The following GALNT2 variants were observed in gnomAD, a reference collection of about 807,000 sequenced individuals.
GALNT2 encodes polypeptide N-acetylgalactosaminyltransferase 2.
GALNT2 carries 31 observed loss-of-function variants against 81.4 expected under a neutral mutation model. The ratio of observed to expected loss-of-function variants is 0.38; its 90% CI spans 0.29 to 0.51. The LOEUF (loss-of-function observed/expected upper bound fraction) is 0.51, where lower values mean the gene tolerates loss of function less well. Among genes scored for constraint, GALNT2 ranks in the 20% least tolerant of loss-of-function variants. GALNT2 has a pLI of 0.87. For synonymous variants in GALNT2, 303 were observed against 287.4 expected (o/e 1.05, Z -0.55); for missense variants, 629 against 765.7 (o/e 0.82, Z 2.11).
chr1:230,176,261 T>C (rs1662975930), intron 1 of GALNT2, among the ~76,000 whole-genome samples: 1 of 152,160 alleles, frequency 6.6e-6, no homozygotes, highest in South Asian at 2.1e-4. Flanking sequence ...CAAATCAATC[T>C]TATTTGTGGG....
chr1:230,255,236 G>A lies in GALNT2; in HGVS notation c.1028G>A (p.Trp343Ter), dbSNP rs1665672243. 1.9e-6 allele frequency: 3 copies of A among 1,614,134 alleles called. No individual in the cohort carries two copies. Among genetic ancestry groups the A allele is most frequent in the Non-Finnish European group, 2.5e-6 (3 of 1,179,990 alleles). Residue 343 changes from tryptophan (W) to a stop codon, truncating the protein, a stop_gained, in exon 11 of 16, where the codon TGG becomes TAG. Coordinates refer to ENST00000366672, the MANE Select transcript of GALNT2 (RefSeq NM_004481.5). LOFTEE classifies it high-confidence loss of function. Reference protein sequence around the residue: ...GENLEISFRVWQCGGSLEIIP... With the variant: ...GENLEISFRV ...GTCTCAGAGATCTCGTTCCGCGTGT[G>A]GCAGTGTGGTGGCAGCCTGGAGATC... is the stretch of plus-strand genomic sequence containing the variant.
intron 1 of GALNT2, among the ~76,000 whole-genome samples, chr1:230,152,628 A>T (rs1456676884): frequency 2.0e-5 from 3 of 152,186 alleles, no homozygotes; most frequent in Non-Finnish European, 4.4e-5. Context: ...TTGGCAAAAA[A>T]GTTTGAAAGC....
At position 230,265,151 on chromosome 1, in the gene GALNT2, C is replaced by G. The variant is rs184470857; in HGVS notation, c.1314-90C>G. On this transcript the variant is annotated intron_variant, in intron 13 of 15. Transcript: ENST00000366672. ...CTGGGTCTTTCTCTCGTTCCTGTCACCTGTCATGAGGCCACTGAGCAAAGG... is the reference window on the plus strand; with the variant it reads ...CTGGGTCTTTCTCTCGTTCCTGTCAGCTGTCATGAGGCCACTGAGCAAAGG... 7.0e-5 allele frequency: 110 copies of G among 1,562,464 alleles called. No individual in the cohort carries two copies. In the African/African-American group the frequency reaches 1.3e-3, roughly 18 times the overall value.
At chr1:230,249,137 A>G in intron 8 of GALNT2, 47 bp from the exon 9 acceptor site, 2 of 1,516,252 alleles carry the variant, frequency 1.3e-6, no homozygotes, top group Non-Finnish European at 1.8e-6. Context: ...GTCGGGAGGA[A>G]GTGGCCAGTC....
intron 1 of GALNT2, among the ~76,000 whole-genome samples, chr1:230,174,514 A>T (rs1470185537): frequency 6.7e-6 from 1 of 149,426 alleles, no homozygotes; most frequent in East Asian, 2.0e-4. Flanking sequence ...CTCCCCAGCA[A>T]CTGTCTTGCA....
intron 2 of GALNT2, among the ~76,000 whole-genome samples, chr1:230,181,888 G>A (rs562188103): frequency 1.3e-5 from 2 of 152,284 alleles, no homozygotes; most frequent in South Asian, 4.1e-4. Context: ...TGTTTGGGAA[G>A]ATTATTAATT....
intron 10 of GALNT2, among the ~76,000 whole-genome samples, chr1:230,254,448 C>A (rs982336146): frequency 6.6e-6 from 1 of 152,214 alleles, no homozygotes; most frequent in African/African-American, 2.4e-5. Context: ...TGGTCCAAGC[C>A]TGTGAGCAGC....
At position 230,205,017 on chromosome 1, in the gene GALNT2, C is replaced by T. The variant is rs528633433; in HGVS notation, c.374+1727C>T. On this transcript the variant is annotated intron_variant, in intron 3 of 15. Transcript: ENST00000366672. ...CCAAGAGCGGTGAATTGGGTGGGGA[C>T]ACCCAGGAAGAAGGAAGTGCAGAAG... Among the ~76,000 whole-genome samples the T allele has an allele frequency of 3.3e-5, 5 of 152,250 alleles. No homozygotes were observed. The East Asian group carries it at 7.7e-4, about 24-fold the overall frequency.
chr1:230,164,030 G>A (rs961040256), intron 1 of GALNT2, among the ~76,000 whole-genome samples: 14 of 152,124 alleles, frequency 9.2e-5, no homozygotes, highest in Non-Finnish European at 1.8e-4. Context: ...TTTTTTGGGA[G>A]GGTCTCAGTT....
chr1:230,139,525 A>AGGGCTGCTGGCACT (rs1365593554), intron 1 of GALNT2, among the ~76,000 whole-genome samples: 1 of 152,212 alleles, frequency 6.6e-6, no homozygotes, highest in Non-Finnish European at 1.5e-5. Flanking sequence ...ATTCTGCAGC[A>AGGGCTGCTGGCACT]GGGCTGCTGG....
At chr1:230,262,787 G>A in intron 12 of GALNT2, 122 bp downstream of exon 12, 1 of 1,295,104 alleles carries the variant, frequency 7.7e-7, no homozygotes, top group Non-Finnish European at 1.1e-6. Flanking sequence ...AAGGGGTTGT[G>A]GGCACAGGAG....
At chr1:230,178,693 A>G (rs1376288799) in intron 2 of GALNT2, among the ~76,000 whole-genome samples, 2 of 151,954 alleles carry the variant, frequency 1.3e-5, no homozygotes, top group African/African-American at 4.8e-5. Flanking sequence ...CCCAACACAC[A>G]TACAACCTCC....
At chr1:230,277,709 C>T (rs1341161580) in intron 15 of GALNT2, among the ~76,000 whole-genome samples, 1 of 152,172 alleles carries the variant, frequency 6.6e-6, no homozygotes, top group African/African-American at 2.4e-5. Context: ...TCGCGCAGGT[C>T]GGGTCCCCAG....
intron 1 of GALNT2, among the ~76,000 whole-genome samples, chr1:230,092,311 A>G (rs1660117373): frequency 6.6e-6 from 1 of 151,138 alleles, no homozygotes; most frequent in South Asian, 2.1e-4. Context: ...AGATCACCAC[A>G]GATGGCTAAT....
rs57723408 is a variant in GALNT2, at chr1:230,104,003, G to A, written c.126+36597G>A. 3.6e-3 allele frequency among the ~76,000 whole-genome samples: 547 copies of A among 152,252 alleles called. 4 individuals are homozygous for A. The highest frequency in any genetic ancestry group is 0.012 in the African/African-American group (512 of 41,548). On this transcript the variant is annotated intron_variant, in intron 1 of 15. Transcript: ENST00000366672. Reference sequence around the variant, plus strand: ...TAAGATCTTAACCCCACAGAGCCCCGTATCAGGTTTAATTAACTAATTGAT... The same window carrying A: ...TAAGATCTTAACCCCACAGAGCCCCATATCAGGTTTAATTAACTAATTGAT...
chr1:230,105,018 A>C (rs1391464922), intron 1 of GALNT2, among the ~76,000 whole-genome samples: 1 of 152,256 alleles, frequency 6.6e-6, no homozygotes, highest in African/African-American at 2.4e-5. Flanking sequence ...CTGTGGATTC[A>C]GACCACACCT....
rs562964003 is a variant in GALNT2 at position 230,226,624 on chromosome 1, G to T, written c.375-9390G>T. ...GCTCCCTGGGCTGCTCCATCTTTCC[G>T]AACACATGCGGAGGCAGGTGCCTTG... On this transcript the variant is annotated intron_variant, in intron 3 of 15. Coordinates refer to ENST00000366672, the MANE Select transcript of GALNT2 (RefSeq NM_004481.5). Among the ~76,000 whole-genome samples the T allele has an allele frequency of 4.6e-5, 7 of 152,294 alleles. No homozygotes were observed. The East Asian group carries it at 1.4e-3, about 29-fold the overall frequency.
intron 1 of GALNT2, among the ~76,000 whole-genome samples, chr1:230,068,247 C>T (rs537530395): frequency 8.5e-5 from 13 of 152,364 alleles, no homozygotes; most frequent in African/African-American, 3.1e-4. Context: ...TCCGCGTCCT[C>T]GTGCCGCCGC....
At chr1:230,258,008 A>T (rs1359635369) in intron 11 of GALNT2, among the ~76,000 whole-genome samples, 1 of 152,084 alleles carries the variant, frequency 6.6e-6, no homozygotes, top group East Asian at 1.9e-4. Flanking sequence ...TCCACTTCCC[A>T]GATTCAAGAG....
Sources: gnomAD v4.1 joint callset for allele counts (sites outside exome capture counted in the v4.1 genomes callset) on GRCh38, gnomAD v4.1.1 for gene constraint, MANE v1.5 for transcripts, NCBI Gene and HGNC (gene_info 2026-07-23, HGNC 2026-07-21) for gene names.